FAT1: variants seen among roughly 807,000 people sequenced by gnomAD.
FAT1 encodes the protein protocadherin Fat 1.
FAT1 carries 171 observed loss-of-function variants against 329.8 expected under a neutral mutation model. The ratio of observed to expected loss-of-function variants is 0.52; its 90% CI spans 0.46 to 0.59. The LOEUF (loss-of-function observed/expected upper bound fraction) is 0.59, where lower values mean the gene tolerates loss of function less well. FAT1 is among the 20% of genes least tolerant of loss of function. The pLI is 0.00. For synonymous variants in FAT1, 2,233 were observed against 2,228.6 expected (o/e 1.00, Z -0.06); for missense variants, 5,672 against 5,774.4 (o/e 0.98, Z 0.57).
chr4:186,660,570 G>A (rs868278395), intron 3 of FAT1, among the ~76,000 whole-genome samples: 11 of 152,160 alleles, frequency 7.2e-5, no homozygotes, highest in Admixed American at 1.3e-4. Flanking sequence ...TGTGTGCATT[G>A]CACTGAATTT....
rs1173893624 is a variant in FAT1, at chr4:186,618,008, A to G, written c.8578T>C (p.Phe2860Leu). 2 of 1,613,920 alleles carry G rather than the reference A, an allele frequency of 1.2e-6. No individual in the cohort carries two copies. Among genetic ancestry groups the G allele is most frequent in the Non-Finnish European group, 1.7e-6 (2 of 1,179,908 alleles). The change falls in exon 10 of 27, where the codon TTT becomes CTT. Residue 2860 changes from phenylalanine to leucine, a missense_variant. Coordinates refer to ENST00000441802, the MANE Select transcript of FAT1 (RefSeq NM_005245.4). ...QSQSVEVIESFAINMETGWIT... is the reference protein window; with the variant it reads ...QSQSVEVIESLAINMETGWIT... ...CAGCCTGTTTCCATGTTAATGGCAA[A>G]GGATTCAATGACTTCCACACTTTGT...
intron 2 of FAT1, among the ~76,000 whole-genome samples, chr4:186,675,990 A>G (rs1742939515): frequency 6.6e-6 from 1 of 152,184 alleles, no homozygotes; most frequent in African/African-American, 2.4e-5. Context: ...CAAGGTGCAA[A>G]AGAAACAAAA....
intron 2 of FAT1, among the ~76,000 whole-genome samples, chr4:186,680,549 G>C (rs187930386): frequency 6.6e-6 from 1 of 152,282 alleles, no homozygotes; most frequent in East Asian, 1.9e-4. Flanking sequence ...GTGGTGGGCA[G>C]CCGACCTCTT....
chr4:186,641,738 G>A (rs1741105519), intron 3 of FAT1, among the ~76,000 whole-genome samples: 1 of 152,172 alleles, frequency 6.6e-6, no homozygotes, highest in Non-Finnish European at 1.5e-5. Context: ...TGGGCATGGT[G>A]GCTCACACCT....
chr4:186,640,233 G>C (rs958443467), intron 3 of FAT1, among the ~76,000 whole-genome samples: 4 of 152,020 alleles, frequency 2.6e-5, no homozygotes, highest in African/African-American at 9.7e-5. Context: ...TTAATTTCCA[G>C]GTACGGTTAT....
chr4:186,664,797 A>T (rs1742351999), intron 2 of FAT1, among the ~76,000 whole-genome samples: 1 of 152,176 alleles, frequency 6.6e-6, no homozygotes, highest in South Asian at 2.1e-4. Flanking sequence ...CTTCTACACC[A>T]TGGTACAGGC....
chr4:186,615,746 C>A (rs1739680852), intron 11 of FAT1, among the ~76,000 whole-genome samples: 1 of 151,946 alleles, frequency 6.6e-6, no homozygotes, highest in Non-Finnish European at 1.5e-5. Context: ...GCTCCCTTCT[C>A]CCTTTGGAAA....
Position 186,588,487 on chromosome 4 carries a change from C to G in FAT1, c.*105G>C. ...AGGATCCAGCGCAGCCATGCCCATT[C>G]GGCTCACCAAAAAAAGCTTGGAAGC... On this transcript the variant is annotated 3_prime_UTR_variant, in exon 27 of 27. Transcript: ENST00000441802. 1 of 1,377,286 alleles carries G rather than the reference C, an allele frequency of 7.3e-7. No individual in the cohort carries two copies. Among genetic ancestry groups the G allele is most frequent in the Non-Finnish European group, 9.7e-7 (1 of 1,031,662 alleles). 85.3% of individuals were successfully genotyped at this position (1,377,286 alleles called of 1,614,324 possible).
Position 186,620,264 on chromosome 4 carries a change from T to C in FAT1, c.6322A>G (p.Arg2108Gly), listed in dbSNP as rs2126513954. 2 of 1,614,050 alleles carry C rather than the reference T, an allele frequency of 1.2e-6. No homozygotes were observed. Among genetic ancestry groups the C allele is most frequent in the Non-Finnish European group, 1.7e-6 (2 of 1,179,904 alleles). Residue 2108 changes from arginine to glycine, a missense_variant, in exon 10 of 27, where the codon AGA becomes GGA. Physicochemically the swap from Arg to Gly is moderately radical, Grantham distance 125 (BLOSUM62 -2). This residue lies in a region of FAT1 where 3,966 missense variants were observed against 3,915.2 expected (regional missense o/e 1.01). Transcript: ENST00000441802. ...HVIRYVTAVD[R>G]DSGRNGEVHY... ...ACTTCCCCGTTTCTGCCACTGTCTC[T>C]GTCTACAGCAGTGACATAGCGAATG...
intron 1 of FAT1, among the ~76,000 whole-genome samples, chr4:186,714,163 G>A (rs1417566835): frequency 2.6e-5 from 4 of 152,202 alleles, no homozygotes; most frequent in Admixed American, 6.5e-5. Flanking sequence ...GCTGGAGGGC[G>A]ACCAGAGCAG....
intron 26 of FAT1, among the ~76,000 whole-genome samples, chr4:186,594,128 T>G (rs541041199): frequency 7.4e-4 from 113 of 152,052 alleles, no homozygotes; most frequent in African/African-American, 2.6e-3. Context: ...TGCAGTGGCG[T>G]GACCTCAGCT....
intron 3 of FAT1, among the ~76,000 whole-genome samples, chr4:186,641,982 G>A (rs1459829625): frequency 6.6e-6 from 1 of 151,484 alleles, no homozygotes; most frequent in Non-Finnish European, 1.5e-5. Context: ...ACTCCAGCCT[G>A]GGCGACAGAG....
At position 186,645,955 on chromosome 4, in the gene FAT1, A is replaced by C. The variant is rs1170099889; in HGVS notation, c.3581-6172T>G. ...AGTGAGACTGTCTCACAAAAAAAAA[A>C]AAAAAAAATATATACACACACACAC... On this transcript the variant is annotated intron_variant, in intron 3 of 26. Coordinates refer to ENST00000441802, the MANE Select transcript of FAT1 (RefSeq NM_005245.4). 1.7e-3 allele frequency among the ~76,000 whole-genome samples: 194 copies of C among 114,124 alleles called. 5 individuals carry two copies. The highest frequency in any genetic ancestry group is 6.8e-3 in the African/African-American group (188 of 27,836). 74.9% of individuals were successfully genotyped at this position (114,124 alleles called of 152,430 possible).
intron 7 of FAT1, among the ~76,000 whole-genome samples, chr4:186,631,884 C>G (rs1257957157): frequency 6.6e-6 from 1 of 151,384 alleles, no homozygotes; most frequent in Admixed American, 6.6e-5. Context: ...CTGCTGCACC[C>G]CCCTCCCGCC....
intron 1 of FAT1, among the ~76,000 whole-genome samples, chr4:186,711,817 G>A (rs1744970330): frequency 6.6e-6 from 1 of 152,174 alleles, no homozygotes; most frequent in African/African-American, 2.4e-5. Context: ...TTACTCCAGA[G>A]GCTGAGGCAG....
In FAT1 at chr4:186,679,372, G is replaced by A. The variant is rs1225846283; in HGVS notation, c.3266-15759C>T. ...GCGGAGCTTGCAGTGAGCTGAGATC[G>A]CACCACTGCACTCCAGCCTGGGTGA... On this transcript the variant is annotated intron_variant, in intron 2 of 26. Coordinates refer to ENST00000441802, the MANE Select transcript of FAT1 (RefSeq NM_005245.4). 9.0e-5 allele frequency among the ~76,000 whole-genome samples: 12 copies of A among 133,020 alleles called. 1 individual carries two copies. Among genetic ancestry groups the A allele is most frequent in the Middle Eastern group, 5.0e-3 (1 of 200 alleles). 87.3% of individuals were successfully genotyped at this position (133,020 alleles called of 152,430 possible). A position where few individuals can be genotyped will look rare whatever the true frequency, so the allele number is the denominator to read the frequency against.
intron 17 of FAT1, among the ~76,000 whole-genome samples, chr4:186,605,549 GGAAT>G (rs1739085059): frequency 1.7e-5 from 2 of 117,214 alleles, no homozygotes; most frequent in African/African-American, 6.7e-5. Context: ...AGAAGGAGGA[GGAAT>G]GGAGAAGAGG....
chr4:186,660,233 T>C (rs763171032), intron 3 of FAT1, among the ~76,000 whole-genome samples: 1 of 152,166 alleles, frequency 6.6e-6, no homozygotes, highest in Non-Finnish European at 1.5e-5. Flanking sequence ...GATACTGACC[T>C]ACCTGGGAAC....
In FAT1 at chr4:186,588,625, C is replaced by T. The variant is rs549174375; in HGVS notation, c.13734G>A (p.Pro4578=). 1.4e-5 allele frequency: 22 copies of T among 1,612,878 alleles called. No homozygotes were observed. The highest frequency in any genetic ancestry group is 6.7e-5 in the Admixed American group (4 of 59,966). The change falls in exon 27 of 27, where the codon CCG becomes CCA. Residue 4578 remains proline, a synonymous_variant. Coordinates refer to ENST00000441802, the MANE Select transcript of FAT1 (RefSeq NM_005245.4). ...DDGHFEEVTI[P]PLDSQQHTEV is the part of the protein sequence containing the mutation. ...CCGTGTGCTGCTGGGAATCCAGGGG[C>T]GGGATCGTCACCTCTTCGAAGTGGC... is the stretch of plus-strand genomic sequence containing the variant.
Sources: gnomAD v4.1 joint callset for allele counts (sites outside exome capture counted in the v4.1 genomes callset) on GRCh38, gnomAD v4.1.1 for gene constraint, gnomAD v4.1.1 regional missense constraint, MANE v1.5 for transcripts, NCBI Gene and HGNC (gene_info 2026-07-23, HGNC 2026-07-21) for gene names.